JARID2: variants seen among roughly 807,000 people sequenced by gnomAD.
JARID2 encodes jumonji and AT-rich interaction domain containing 2, also known as protein Jumonji.
A neutral mutation model predicts 125.6 loss-of-function variants in JARID2; 21 were observed. That is an observed-to-expected ratio of 0.17 (90% CI 0.12 to 0.24). The LOEUF is 0.24. Ranked by LOEUF, JARID2 falls within the 10% of genes least tolerant of loss-of-function variation. The pLI is 1.00. For missense variants in JARID2, 1,303 were observed against 1,639.6 expected, an observed-to-expected ratio of 0.79 and a Z score of 3.55; for synonymous variants, 736 against 661.6, an observed-to-expected ratio of 1.11 and a Z score of -1.73.
At chr6:15,383,355 T>G (rs567609340) in intron 2 of JARID2, among the ~76,000 whole-genome samples, 1 of 151,828 alleles carries the variant, frequency 6.6e-6, no homozygotes, top group Non-Finnish European at 1.5e-5. Flanking sequence ...CTCTCTAGTT[T>G]CTTTGCGGAT....
chr6:15,370,718 A>C (rs1412558710), intron 1 of JARID2, among the ~76,000 whole-genome samples: 1 of 152,154 alleles, frequency 6.6e-6, no homozygotes, highest in African/African-American at 2.4e-5. Flanking sequence ...CAGAGTTAGC[A>C]TTAAACTGGA....
intron 1 of JARID2, among the ~76,000 whole-genome samples, chr6:15,305,389 G>A (rs2127418188): frequency 6.6e-6 from 1 of 152,274 alleles, no homozygotes; most frequent in Admixed American, 6.5e-5. Context: ...CTCCACTTTG[G>A]AGAGGGGAAA....
At chr6:15,473,461 T>A (rs1215242212) in intron 5 of JARID2, among the ~76,000 whole-genome samples, 1 of 141,754 alleles carries the variant, frequency 7.1e-6, no homozygotes, top group African/African-American at 2.6e-5. Flanking sequence ...TCATTCCCTG[T>A]CACTTGGTGA....
chr6:15,408,263 G>A (rs1263548847), intron 2 of JARID2, among the ~76,000 whole-genome samples: 2 of 152,068 alleles, frequency 1.3e-5, no homozygotes, highest in African/African-American at 4.8e-5. Context: ...AAAGCAAAAA[G>A]AAAAATTTGA....
chr6:15,311,987 A>G (rs1305733760), intron 1 of JARID2, among the ~76,000 whole-genome samples: 1 of 152,172 alleles, frequency 6.6e-6, no homozygotes, highest in Non-Finnish European at 1.5e-5. Flanking sequence ...AACCTAAAAA[A>G]TTGTCATAGC....
intron 2 of JARID2, among the ~76,000 whole-genome samples, chr6:15,394,329 A>G (rs1391262137): frequency 1.3e-5 from 2 of 152,194 alleles, no homozygotes; most frequent in Non-Finnish European, 2.9e-5. Context: ...TGAGATGAGC[A>G]AGGCGAATGC....
At chr6:15,456,728 A>G (rs543511113) in intron 4 of JARID2, among the ~76,000 whole-genome samples, 2 of 152,218 alleles carry the variant, frequency 1.3e-5, no homozygotes, top group East Asian at 3.9e-4. Flanking sequence ...TTTTCTATCT[A>G]GGATATCTAG....
chr6:15,401,154 CTATA>C (rs140011539), intron 2 of JARID2: 1,189 of 802,546 alleles, frequency 1.5e-3, no homozygotes, highest in Non-Finnish European at 1.7e-3. Context: ...TGGCAAGGTG[CTATA>C]TATATATATA....
Position 15,410,239 on chromosome 6 carries a change from A to G in JARID2, c.197A>G (p.Asp66Gly), listed in dbSNP as rs1581520067. The change falls in exon 3 of 18, where the codon GAC becomes GGC. Residue 66 changes from aspartate (D) to glycine (G), a missense_variant. Around this residue, in one of 11 missense-constraint regions of JARID2, gnomAD observed 93 missense variants for 120.4 expected, o/e 0.77. Transcript: ENST00000341776. ...TCACCTGTAGGGCTCCTTGGTAATG[A>G]CCAGTCTAAGGGATTAGGACCAGCA... The part of the protein sequence containing the change: ...LKTVNGLLGN[D>G]QSKGLGPASE... 1 of 1,613,936 alleles carries G rather than the reference A, an allele frequency of 6.2e-7. No individual in the cohort carries two copies. The highest frequency in any genetic ancestry group is 2.2e-5 in the East Asian group (1 of 44,888).
chr6:15,515,120 C>T (rs1771484834), intron 16 of JARID2, among the ~76,000 whole-genome samples: 1 of 151,990 alleles, frequency 6.6e-6, no homozygotes, highest in South Asian at 2.1e-4. Context: ...GATCCTGTCT[C>T]ACTGTAGCCT....
At chr6:15,427,536 T>A (rs1766781938) in intron 3 of JARID2, among the ~76,000 whole-genome samples, 1 of 152,114 alleles carries the variant, frequency 6.6e-6, no homozygotes, top group African/African-American at 2.4e-5. Context: ...TGGAAACTGC[T>A]GGATACAAGT....
At chr6:15,481,014 T>C (rs1458985025) in intron 5 of JARID2, among the ~76,000 whole-genome samples, 1 of 152,244 alleles carries the variant, frequency 6.6e-6, no homozygotes, top group Non-Finnish European at 1.5e-5. Flanking sequence ...AGTGTATCTC[T>C]CTGCCTTTCA....
At chr6:15,395,439 G>A (rs185965734) in intron 2 of JARID2, among the ~76,000 whole-genome samples, 1 of 152,210 alleles carries the variant, frequency 6.6e-6, no homozygotes, top group East Asian at 1.9e-4. Flanking sequence ...CTAAGTTTTT[G>A]TATTTTTAGC....
intron 2 of JARID2, among the ~76,000 whole-genome samples, chr6:15,391,252 T>G (rs1304301121): frequency 6.6e-6 from 1 of 152,144 alleles, no homozygotes; most frequent in East Asian, 1.9e-4. Flanking sequence ...AAGGATTGCC[T>G]CTCTAGTTTT....
chr6:15,341,208 A>G (rs559690561), intron 1 of JARID2, among the ~76,000 whole-genome samples: 27 of 152,340 alleles, frequency 1.8e-4, no homozygotes, highest in Admixed American at 1.8e-3. Flanking sequence ...TCATGCAGAA[A>G]TAATGCCTGC....
intron 1 of JARID2, among the ~76,000 whole-genome samples, chr6:15,324,795 T>G (rs894143633): frequency 6.6e-6 from 1 of 151,694 alleles, no homozygotes; most frequent in Non-Finnish European, 1.5e-5. Context: ...GCCAACTGCT[T>G]TTTGAGTTAA....
intron 1 of JARID2, among the ~76,000 whole-genome samples, chr6:15,324,636 C>T (rs1024265417): frequency 2.1e-4 from 32 of 151,132 alleles, no homozygotes; most frequent in African/African-American, 7.0e-4. Context: ...ACCACCACGC[C>T]TGGCTGATTT....
At chr6:15,408,589 AAAG>A (rs1243756397) in intron 2 of JARID2, among the ~76,000 whole-genome samples, 3 of 152,270 alleles carry the variant, frequency 2.0e-5, no homozygotes, top group African/African-American at 7.2e-5. Context: ...GTCACACTCA[AAAG>A]AAGTAGGTGA....
chr6:15,367,620 G>A (rs10949296), intron 1 of JARID2, among the ~76,000 whole-genome samples: 1,552 of 152,170 alleles, frequency 0.01, 14 homozygotes, highest in Non-Finnish European at 0.015. Context: ...CCACATTTGC[G>A]TCAAGACTCT....
Sources: allele counts gnomAD v4.1 joint callset (sites outside exome capture counted in the v4.1 genomes callset), GRCh38; gene constraint gnomAD v4.1.1; regional missense constraint gnomAD v4.1.1; transcripts MANE v1.5; gene names NCBI Gene and HGNC (gene_info 2026-07-23, HGNC 2026-07-21).